Variants in NRCAM observed in about 807,000 individuals in gnomAD.
The protein encoded by NRCAM is NgCAM-related cell adhesion molecule.
In NRCAM, 83 loss-of-function variants were observed where a neutral mutation model predicts 156.5. That is an observed-to-expected ratio of 0.53 (90% CI 0.44 to 0.64). NRCAM has a LOEUF of 0.64. Among genes scored for constraint, NRCAM ranks in the 30% least tolerant of loss-of-function variants. The pLI, the probability that NRCAM is intolerant of heterozygous loss-of-function variation, is 0.00. For missense variants in NRCAM, 1,417 were observed against 1,597.3 expected (o/e 0.89, Z 1.92); for synonymous variants, 538 against 563.9 (o/e 0.95, Z 0.65).
intron 2 of NRCAM, among the ~76,000 whole-genome samples, chr7:108,348,206 T>C (rs372150971): frequency 8.5e-5 from 13 of 152,262 alleles, no homozygotes; most frequent in African/African-American, 3.1e-4. Flanking sequence ...GATGTGATTT[T>C]CTTGTGGGTA....
chr7:108,322,155 T>A lies in NRCAM; in HGVS notation c.-173-9424A>T, dbSNP rs1182368971. 3.9e-5 allele frequency among the ~76,000 whole-genome samples: 5 copies of A among 127,538 alleles called. No individual in the cohort carries two copies. The South Asian group carries it at 8.3e-4, about 21-fold the overall frequency. The allele number at this position is 127,538 out of a possible 152,430, so 83.7% of individuals were successfully genotyped here. ...AGTTGGATAAAGACTAGACATTTCG[T>A]TTTTTTTCAAAGCTGGCAAGTCATT... is the stretch of plus-strand genomic sequence containing the variant. On this transcript the variant is annotated intron_variant, in intron 2 of 32. Transcript: ENST00000379028.
At chr7:108,418,624 GTATA>G (rs549235111) in intron 1 of NRCAM, among the ~76,000 whole-genome samples, 26 of 149,480 alleles carry the variant, frequency 1.7e-4, no homozygotes, top group Admixed American at 6.0e-4. Context: ...CTATCACTAA[GTATA>G]TATATATTCA....
chr7:108,150,858 A>C, intron 32 of NRCAM: 1 of 404,782 alleles, frequency 2.5e-6, no homozygotes, highest in South Asian at 1.9e-5. Flanking sequence ...CTGGAAAGAG[A>C]CGCACTTTAA....
rs549646266 is a variant in NRCAM at position 108,274,765 on chromosome 7, T to C, written c.-106-34595A>G. The stretch of plus-strand genomic sequence containing the variant: ...TTGCTTGATTGTCCTGGCCAGAACT[T>C]CCAATACATTTTGAATAGGAGTGGC... On this transcript the variant is annotated intron_variant, in intron 3 of 32. Coordinates refer to ENST00000379028, the MANE Select transcript of NRCAM (RefSeq NM_001037132.4). 1.1e-3 allele frequency among the ~76,000 whole-genome samples: 161 copies of C among 152,316 alleles called. 1 individual carries two copies. Among genetic ancestry groups the C allele is most frequent in the African/African-American group, 3.6e-3 (150 of 41,568 alleles).
intron 2 of NRCAM, among the ~76,000 whole-genome samples, chr7:108,379,882 C>A (rs981650822): frequency 6.6e-6 from 1 of 151,916 alleles, no homozygotes; most frequent in African/African-American, 2.4e-5. Context: ...AAAAAAATAA[C>A]GCACTGGTTT....
intron 1 of NRCAM, among the ~76,000 whole-genome samples, chr7:108,430,662 C>T (rs1010030524): frequency 2.6e-5 from 4 of 152,032 alleles, no homozygotes; most frequent in Admixed American, 2.0e-4. Context: ...CTCAGTCATC[C>T]AAAATAATTA....
intron 1 of NRCAM, among the ~76,000 whole-genome samples, chr7:108,449,389 C>A (rs1452009965): frequency 6.6e-6 from 1 of 152,146 alleles, no homozygotes; most frequent in Non-Finnish European, 1.5e-5. Context: ...TGAAAAGGGC[C>A]AAGACAACAG....
intron 3 of NRCAM, among the ~76,000 whole-genome samples, chr7:108,288,427 G>A (rs939538908): frequency 6.6e-6 from 1 of 152,032 alleles, no homozygotes; most frequent in Non-Finnish European, 1.5e-5. Flanking sequence ...ATTGGCAATG[G>A]CTACTCAAAG....
In NRCAM at chr7:108,413,269, C is replaced by T. The variant is rs547209639; in HGVS notation, c.-331-13676G>A. ...CTCACTGTGGTTTTAATTTACATTTCCCTGATGATTAGTATGTTGAGCACT... is the reference window on the plus strand; with the variant it reads ...CTCACTGTGGTTTTAATTTACATTTTCCTGATGATTAGTATGTTGAGCACT... On this transcript the variant is annotated intron_variant, in intron 1 of 32. Transcript: ENST00000379028. Among the ~76,000 whole-genome samples the T allele has an allele frequency of 7.2e-5, 11 of 152,228 alleles. 1 individual carries two copies. In the South Asian group the frequency reaches 2.3e-3, roughly 32 times the overall value.
intron 2 of NRCAM, among the ~76,000 whole-genome samples, chr7:108,349,608 A>G (rs1363540789): frequency 6.6e-6 from 1 of 152,158 alleles, no homozygotes; most frequent in Admixed American, 6.5e-5. Context: ...TCAAGGAGCC[A>G]GCCTATTTTT....
intron 2 of NRCAM, among the ~76,000 whole-genome samples, chr7:108,327,695 A>AT (rs1331726530): frequency 1.3e-5 from 2 of 152,100 alleles, no homozygotes; most frequent in South Asian, 2.1e-4. Context: ...CAATTATGAT[A>AT]TTTTTTAAAA....
intron 1 of NRCAM, among the ~76,000 whole-genome samples, chr7:108,426,548 C>A (rs1225570445): frequency 1.3e-5 from 2 of 152,182 alleles, no homozygotes; most frequent in South Asian, 2.1e-4. Context: ...GCCCACCCCC[C>A]TTATAAAACA....
At position 108,237,026 on chromosome 7, in the gene NRCAM, T is replaced by C. The variant is rs114943297; in HGVS notation, c.124+726A>G. 3.4e-3 allele frequency among the ~76,000 whole-genome samples: 520 copies of C among 152,322 alleles called. 5 individuals carry two copies. Among genetic ancestry groups the C allele is most frequent in the African/African-American group, 0.012 (493 of 41,572 alleles). On this transcript the variant is annotated intron_variant, in intron 5 of 32. Transcript: ENST00000379028. ...CTCCTTAAACAGTGCTTGGGTCACC[T>C]GCTAATTAACAAATGCTTTTCAGTA... is the stretch of plus-strand genomic sequence containing the variant.
intron 11 of NRCAM, among the ~76,000 whole-genome samples, chr7:108,212,626 C>G (rs1177603115): frequency 6.6e-6 from 1 of 151,980 alleles, no homozygotes; most frequent in Non-Finnish European, 1.5e-5. Flanking sequence ...AGCAATAGAA[C>G]TGAACAAGTA....
At chr7:108,341,436 C>T (rs1187433665) in intron 2 of NRCAM, among the ~76,000 whole-genome samples, 1 of 152,216 alleles carries the variant, frequency 6.6e-6, no homozygotes, top group Non-Finnish European at 1.5e-5. Context: ...ATACTTCTCC[C>T]AGCCACTAAG....
At position 108,147,810 on chromosome 7, in the gene NRCAM, A is replaced by G. The variant is rs530783906; in HGVS notation, c.*2100T>C. 1.4e-4 allele frequency: 21 copies of G among 152,778 alleles called. No individual in the cohort carries two copies. The highest frequency in any genetic ancestry group is 5.1e-4 in the African/African-American group (21 of 41,584). 9.5% of individuals were successfully genotyped at this position (152,778 alleles called of 1,614,324 possible). ...AACCACATTTAATTTTTAATACCAA[A>G]TCTGTTGCACTATTACAGAAGTGAC... On this transcript the variant is annotated 3_prime_UTR_variant, in exon 33 of 33. Transcript: ENST00000379028.
At position 108,207,363 on chromosome 7, in the gene NRCAM, A is replaced by G; in HGVS notation, c.1207+165T>C. 5.3e-6 allele frequency: 3 copies of G among 566,316 alleles called. No homozygotes were observed. In the South Asian group the frequency reaches 8.4e-5, roughly 16 times the overall value. 35.1% of individuals were successfully genotyped at this position (566,316 alleles called of 1,614,324 possible). A position where few individuals can be genotyped will look rare whatever the true frequency, so the allele number is the denominator to read the frequency against. On this transcript the variant is annotated intron_variant, in intron 13 of 32. Transcript: ENST00000379028. The stretch of plus-strand genomic sequence containing the variant: ...CATAAACTATTCACATTCATAATAA[A>G]TATCTAATGGTAATAAAATGCAAAG...
chr7:108,378,586 T>C (rs113054742), intron 2 of NRCAM, among the ~76,000 whole-genome samples: 113 of 143,778 alleles, frequency 7.9e-4, no homozygotes, highest in African/African-American at 2.6e-3. Flanking sequence ...ATAGATGAAA[T>C]ACACAAATTC....
At chr7:108,309,990 C>G (rs1469134360) in intron 3 of NRCAM, among the ~76,000 whole-genome samples, 1 of 152,152 alleles carries the variant, frequency 6.6e-6, no homozygotes, top group Non-Finnish European at 1.5e-5. Flanking sequence ...ACCAGTTTTA[C>G]TATTATCTAT....
Sources: gnomAD v4.1 joint callset for allele counts (sites outside exome capture counted in the v4.1 genomes callset) on GRCh38, gnomAD v4.1.1 for gene constraint, MANE v1.5 for transcripts, NCBI Gene and HGNC (gene_info 2026-07-23, HGNC 2026-07-21) for gene names.